Variants in RPGR observed in about 807,000 individuals in gnomAD.
The protein encoded by RPGR is X-linked retinitis pigmentosa GTPase regulator.
A neutral mutation model predicts 56.3 loss-of-function variants in RPGR; 10 were observed. The ratio of observed to expected loss-of-function variants is 0.18; its 90% CI spans 0.11 to 0.30. The LOEUF (loss-of-function observed/expected upper bound fraction) is 0.30. RPGR is among the 10% of genes least tolerant of loss of function. The pLI, the probability that RPGR is intolerant of heterozygous loss-of-function variation, is 1.00. For synonymous variants in RPGR, 197 were observed against 212.9 expected, an observed-to-expected ratio of 0.93 and a Z score of 0.65; for missense variants, 538 against 590.9, an observed-to-expected ratio of 0.91 and a Z score of 0.93.
chrX:38,323,829 T>G (rs1029854726), intron 1 of RPGR, among the ~76,000 whole-genome samples: 4 of 112,421 alleles, frequency 3.6e-5, no homozygotes, highest in African/African-American at 1.3e-4. Flanking sequence ...TGTCACCAAG[T>G]AGATGTCTAT....
At chrX:38,290,075 A>G (rs2147209280) in intron 13 of RPGR, among the ~76,000 whole-genome samples, 1 of 112,529 alleles carries the variant, frequency 8.9e-6, no homozygotes, top group African/African-American at 3.2e-5. Context: ...GCCTTTCAGT[A>G]TTATAGATAG....
At chrX:38,322,275 T>A (rs1280381263) in intron 3 of RPGR, among the ~76,000 whole-genome samples, 1 of 111,994 alleles carries the variant, frequency 8.9e-6, no homozygotes, top group Non-Finnish European at 1.9e-5. Flanking sequence ...AGGTTTTGCA[T>A]ATAACATCCA....
chrX:38,317,410 T>G lies in RPGR; in HGVS notation c.525A>C (p.Lys175Asn). The change falls in exon 6 of 19, where the codon AAA becomes AAC. Residue 175 changes from lysine (K) to asparagine (N), a missense_variant. Physicochemically the swap from Lys to Asn is moderately conservative, Grantham distance 94. Around this residue, in one of 2 missense-constraint regions of RPGR, gnomAD observed 181 missense variants for 265.1 expected, o/e 0.68. Transcript: ENST00000642395. ...GAGGGACACAGACATTACTTACATT[T>G]TTTAAACCAATTTGCCCTTCGGAAT... is the stretch of plus-strand genomic sequence containing the variant. 4.1e-6 allele frequency: 5 copies of G among 1,210,058 alleles called. No homozygotes were observed. Among genetic ancestry groups the G allele is most frequent in the Non-Finnish European group, 5.6e-6 (5 of 894,121 alleles).
At chrX:38,303,782 G>A in intron 8 of RPGR, 1 of 297,170 alleles carries the variant, frequency 3.4e-6, no homozygotes, top group Non-Finnish European at 5.9e-6. Context: ...TAGATGAGCA[G>A]TAGTTTTTTC....
chrX:38,320,904 T>C (rs1041523520), intron 4 of RPGR, 123 bp downstream of exon 4: 1 of 561,549 alleles, frequency 1.8e-6, no homozygotes, highest in African/African-American at 2.3e-5. Flanking sequence ...ATTGACATTT[T>C]AAAAAACCCT....
In RPGR at chrX:38,327,060, A is replaced by T. The variant is rs778958704; in HGVS notation, c.28+280T>A. ...CAACAAGAGTGAAACTCCGTCTCAT[A>T]AAAAAAAAAAAAAAGTGTCCCTGCC... On this transcript the variant is annotated intron_variant, in intron 1 of 18. Coordinates refer to ENST00000642395, the MANE Select transcript of RPGR (RefSeq NM_000328.3). 1.5e-4 allele frequency: 15 copies of T among 102,294 alleles called. No homozygotes were observed. The South Asian group carries it at 2.4e-3, about 16-fold the overall frequency. The allele number at this position is 102,294 out of a possible 1,213,427, so 8.4% of individuals were successfully genotyped here.
At position 38,287,930 on chromosome X, in the gene RPGR, G is replaced by A; in HGVS notation, c.1684C>T (p.His562Tyr). 1 of 1,210,849 alleles carries A rather than the reference G, an allele frequency of 8.3e-7. No individual in the cohort carries two copies. Among genetic ancestry groups the A allele is most frequent in the Non-Finnish European group, 1.1e-6 (1 of 894,849 alleles). ...GTCATGAAAATCCCTTGTGACACAT[G>A]TTGTTTACATGCTTTCCCTTCTTTC... Residue 562 changes from histidine to tyrosine, a missense_variant, in exon 14 of 19, where the codon CAT (histidine) becomes TAT (tyrosine). This residue lies in a region of RPGR where 357 missense variants were observed against 325.8 expected (regional missense o/e 1.10). Transcript: ENST00000642395.
At chrX:38,289,665 T>C (rs1207354921) in intron 13 of RPGR, among the ~76,000 whole-genome samples, 2 of 112,649 alleles carry the variant, frequency 1.8e-5, no homozygotes, top group Non-Finnish European at 3.7e-5. Context: ...AGAAATAGTA[T>C]AATAAATCTT....
intron 6 of RPGR, among the ~76,000 whole-genome samples, chrX:38,315,836 T>TAGAG (rs1391249160): frequency 0.018 from 1,524 of 86,815 alleles, 26 homozygotes; most frequent in South Asian, 0.057. Flanking sequence ...TATATATATA[T>TAGAG]ATAGAGAGAG....
chrX:38,287,405 T>C (rs765644999), intron 14 of RPGR, 160 bp from the exon 15 acceptor site: 2 of 845,311 alleles, frequency 2.4e-6, no homozygotes, highest in Non-Finnish European at 3.5e-6. Context: ...CTAAATTCTA[T>C]TGCCTCAGGC....
At chrX:38,277,149 A>G (rs781046747) in intron 15 of RPGR, among the ~76,000 whole-genome samples, 1 of 112,586 alleles carries the variant, frequency 8.9e-6, no homozygotes, top group South Asian at 3.6e-4. Context: ...TCTATATATT[A>G]TATTCATTTT....
chrX:38,320,390 T>G (rs763721172), intron 4 of RPGR, among the ~76,000 whole-genome samples: 1 of 112,064 alleles, frequency 8.9e-6, no homozygotes, highest in African/African-American at 3.2e-5. Flanking sequence ...CCTTTCTCTA[T>G]TGAATTTCCT....
intron 7 of RPGR, among the ~76,000 whole-genome samples, chrX:38,309,608 A>C (rs1203771683): frequency 8.9e-6 from 1 of 112,419 alleles, no homozygotes; most frequent in African/African-American, 3.2e-5. Context: ...CTGGTGAATC[A>C]CCTGAGGTCA....
In RPGR at chrX:38,327,478, T is replaced by C; in HGVS notation, c.-111A>G. The C allele has an allele frequency of 1.3e-6, 1 of 781,165 alleles. No individual in the cohort carries two copies. 64.4% of individuals were successfully genotyped at this position (781,165 alleles called of 1,213,427 possible). Reference sequence around the variant, plus strand: ...GACGCGGGCCGCGAAAGCCCCCAAGTTCCGCATGGCGAAACTCCGGAGATC... The same window carrying C: ...GACGCGGGCCGCGAAAGCCCCCAAGCTCCGCATGGCGAAACTCCGGAGATC... On this transcript the variant is annotated 5_prime_UTR_variant, in exon 1 of 19. Coordinates refer to ENST00000642395, the MANE Select transcript of RPGR (RefSeq NM_000328.3).
Position 38,317,462 on chromosome X carries a change from T to C in RPGR, c.473A>G (p.Asp158Gly). The change falls in exon 6 of 19, where the codon GAT becomes GGT. Residue 158 changes from aspartate (D) to glycine (G), a missense_variant. Physicochemically the swap from Asp to Gly is moderately conservative, Grantham distance 94 (BLOSUM62 -1). Transcript: ENST00000642395. ...GTCACCCCACATAAAAAGTCTTCCA[T>C]CCTCTATAAAGAAAAATAAAAGGGG... 8.3e-7 allele frequency: 1 copy of C among 1,207,793 alleles called. No homozygotes were observed.
intron 18 of RPGR, among the ~76,000 whole-genome samples, chrX:38,272,073 A>C (rs905139312): frequency 8.9e-5 from 10 of 111,804 alleles, no homozygotes; most frequent in African/African-American, 3.3e-4. Flanking sequence ...GAAACTATGA[A>C]ATTGATGAAG....
intron 6 of RPGR, among the ~76,000 whole-genome samples, chrX:38,315,290 C>T (rs978096267): frequency 3.6e-5 from 4 of 111,573 alleles, no homozygotes; most frequent in Non-Finnish European, 7.5e-5. Flanking sequence ...CGGGACTATA[C>T]TACTGTACTC....
In RPGR at chrX:38,318,709, G is replaced by T. The variant is rs751995339; in HGVS notation, c.469+120C>A. On this transcript the variant is annotated intron_variant, in intron 5 of 18. Transcript: ENST00000642395. The stretch of plus-strand genomic sequence containing the variant: ...GTTATATTTTAAATGTTTTCTGAAA[G>T]CACATAGATAGTCGATGAAAGAAAA... The T allele has an allele frequency of 8.2e-6, 6 of 727,936 alleles. No individual in the cohort carries two copies. The East Asian group carries it at 1.0e-4, about 13-fold the overall frequency. 60.0% of individuals were successfully genotyped at this position (727,936 alleles called of 1,213,427 possible).
At chrX:38,320,391 T>G (rs2067915148) in intron 4 of RPGR, among the ~76,000 whole-genome samples, 1 of 111,966 alleles carries the variant, frequency 8.9e-6, no homozygotes, top group Non-Finnish European at 1.9e-5. Context: ...CTTTCTCTAT[T>G]GAATTTCCTT....
Sources: allele counts gnomAD v4.1 joint callset (sites outside exome capture counted in the v4.1 genomes callset), GRCh38; gene constraint gnomAD v4.1.1; regional missense constraint gnomAD v4.1.1; transcripts MANE v1.5; gene names NCBI Gene and HGNC (gene_info 2026-07-23, HGNC 2026-07-21).